Variants in TXNL4A observed in about 807,000 individuals in gnomAD.
TXNL4A encodes the protein thioredoxin like 4A.
TXNL4A carries 17 observed loss-of-function variants against 14.6 expected under a neutral mutation model. The observed-to-expected ratio is 1.16, with a 90% CI of 0.80 to 1.74. The LOEUF (loss-of-function observed/expected upper bound fraction) is 1.74. Among genes scored for constraint, TXNL4A ranks in the 40% most tolerant of loss-of-function variants. TXNL4A has a pLI of 0.00. For missense variants in TXNL4A, 74 were observed against 195.2 expected (o/e 0.38, Z 3.70); for synonymous variants, 83 against 70.6 (o/e 1.18, Z -0.88).
chr18:80,033,612 G>T (rs1277208545), intron 1 of TXNL4A, among the ~76,000 whole-genome samples: 1 of 152,252 alleles, frequency 6.6e-6, no homozygotes, highest in Admixed American at 6.5e-5. Flanking sequence ...CAGGTCTCCA[G>T]GCTTCGATGC....
At chr18:80,009,690 A>T (rs562958106) in intron 1 of TXNL4A, among the ~76,000 whole-genome samples, 3 of 152,386 alleles carry the variant, frequency 2.0e-5, no homozygotes, top group African/African-American at 7.2e-5. Context: ...CAAGAGGGCC[A>T]GGTCGGCAAC....
At chr18:80,010,384 A>G (rs1329322416) in intron 1 of TXNL4A, among the ~76,000 whole-genome samples, 1 of 152,100 alleles carries the variant, frequency 6.6e-6, no homozygotes, top group Non-Finnish European at 1.5e-5. Context: ...AGCTTGGCCC[A>G]GCACCAGTTA....
At chr18:80,003,015 G>A (rs1446481407) in intron 1 of TXNL4A, among the ~76,000 whole-genome samples, 1 of 152,212 alleles carries the variant, frequency 6.6e-6, no homozygotes, top group African/African-American at 2.4e-5. Flanking sequence ...CCCACTGCTG[G>A]GAAGGGGGCC....
intron 1 of TXNL4A, among the ~76,000 whole-genome samples, chr18:79,981,754 C>G (rs1412598459): frequency 6.6e-6 from 1 of 152,244 alleles, no homozygotes; most frequent in Admixed American, 6.5e-5. Flanking sequence ...CTTTTGCCTT[C>G]AAGCTCCGGC....
At position 79,971,679 on chromosome 18, in the gene TXNL4A, C is replaced by G. The variant is rs1316055319; in HGVS notation, c.*2006G>C. ...GCCTGCCTGTGTTACCACTTTGCCACCAGCAGTGTGTGAGGGCTCCAATTT... is the reference window on the plus strand; with the variant it reads ...GCCTGCCTGTGTTACCACTTTGCCAGCAGCAGTGTGTGAGGGCTCCAATTT... On this transcript the variant is annotated 3_prime_UTR_variant, in exon 3 of 3. Transcript: ENST00000269601. 6.6e-6 allele frequency: 1 copy of G among 152,200 alleles called. No homozygotes were observed. Among genetic ancestry groups the G allele is most frequent in the African/African-American group, 2.4e-5 (1 of 41,446 alleles). The allele number at this position is 152,200 out of a possible 1,614,324, so 9.4% of individuals were successfully genotyped here.
At chr18:80,021,141 C>G (rs1477580609) in intron 1 of TXNL4A, among the ~76,000 whole-genome samples, 2 of 151,628 alleles carry the variant, frequency 1.3e-5, no homozygotes, top group African/African-American at 4.8e-5. Context: ...CTCCCTGAGG[C>G]AGCACTGTAC....
At chr18:79,999,642 T>C (rs774864592) in intron 1 of TXNL4A, among the ~76,000 whole-genome samples, 11 of 151,392 alleles carry the variant, frequency 7.3e-5, no homozygotes, top group Non-Finnish European at 1.0e-4. Flanking sequence ...GGGTAACCAA[T>C]TGGCTCATGC....
At chr18:80,008,393 G>A (rs893854409) in intron 1 of TXNL4A, among the ~76,000 whole-genome samples, 2 of 152,130 alleles carry the variant, frequency 1.3e-5, no homozygotes, top group Non-Finnish European at 2.9e-5. Context: ...CCCACAGCAG[G>A]CAAGCAGCCT....
intron 1 of TXNL4A, among the ~76,000 whole-genome samples, chr18:80,016,740 G>A (rs1269056778): frequency 9.3e-5 from 14 of 150,892 alleles, no homozygotes; most frequent in African/African-American, 2.4e-5. Context: ...TTTGGTACCA[G>A]TACCATGCTG....
intron 1 of TXNL4A, among the ~76,000 whole-genome samples, chr18:80,032,791 G>C (rs1312053726): frequency 6.6e-6 from 1 of 152,334 alleles, no homozygotes; most frequent in East Asian, 1.9e-4. Context: ...AGTGAGCCGG[G>C]ATCACGCCAG....
chr18:80,000,798 C>T (rs552803661), intron 1 of TXNL4A, among the ~76,000 whole-genome samples: 14 of 152,196 alleles, frequency 9.2e-5, no homozygotes, highest in African/African-American at 1.4e-4. Context: ...GGATTACAGG[C>T]GCCTGACTCC....
chr18:79,990,280 T>G (rs1422517793), upstream of TXNL4A, among the ~76,000 whole-genome samples: 1 of 152,230 alleles, frequency 6.6e-6, no homozygotes, highest in African/African-American at 2.4e-5. Context: ...AATTTCAGGT[T>G]GGTAGGATAT....
intron 1 of TXNL4A, among the ~76,000 whole-genome samples, chr18:80,017,267 G>A (rs1327631157): frequency 6.6e-6 from 1 of 152,202 alleles, no homozygotes; most frequent in African/African-American, 2.4e-5. Context: ...TTTGGGCTGA[G>A]ACGATGGGGT....
intron 2 of TXNL4A, chr18:79,976,654 C>A (rs1400922970): frequency 2.0e-5 from 8 of 393,802 alleles, no homozygotes; most frequent in African/African-American, 1.7e-4. Flanking sequence ...TCAATGCGTG[C>A]TAATTTGTTA....
chr18:80,023,772 G>T (rs532587933), intron 1 of TXNL4A, among the ~76,000 whole-genome samples: 3 of 152,228 alleles, frequency 2.0e-5, no homozygotes, highest in Admixed American at 2.0e-4. Flanking sequence ...ATAACTTTTT[G>T]AATTACATTC....
intron 1 of TXNL4A, among the ~76,000 whole-genome samples, chr18:80,021,008 C>A (rs2051844978): frequency 6.6e-6 from 1 of 152,144 alleles, no homozygotes; most frequent in South Asian, 2.1e-4. Flanking sequence ...TCTTGAGAAA[C>A]CCCCTCAGTT....
At chr18:79,996,222 A>G (rs1320926415) in intron 1 of TXNL4A, among the ~76,000 whole-genome samples, 2 of 152,200 alleles carry the variant, frequency 1.3e-5, no homozygotes, top group East Asian at 1.9e-4. Flanking sequence ...CTGAGAAAGT[A>G]CAGGGTTTCA....
chr18:79,977,306 AG>A, intron 2 of TXNL4A: 1 of 478,252 alleles, frequency 2.1e-6, no homozygotes, highest in Non-Finnish European at 3.6e-6. Flanking sequence ...TTATAGTTCC[AG>A]GTATCTAAAA....
At chr18:80,031,258 G>A (rs1199877654) in intron 1 of TXNL4A, among the ~76,000 whole-genome samples, 1 of 152,226 alleles carries the variant, frequency 6.6e-6, no homozygotes, top group African/African-American at 2.4e-5. Context: ...TATATGGGGT[G>A]GACACCTGGA....
Sources: gnomAD v4.1 joint callset for allele counts (sites outside exome capture counted in the v4.1 genomes callset) on GRCh38, gnomAD v4.1.1 for gene constraint, MANE v1.5 for transcripts, NCBI Gene and HGNC (gene_info 2026-07-23, HGNC 2026-07-21) for gene names.